The following PYGB variants were observed in gnomAD, a reference collection of about 807,000 sequenced individuals.
The protein encoded by PYGB is glycogen phosphorylase, brain form.
In PYGB, 82 loss-of-function variants were observed where a neutral mutation model predicts 94.3. The ratio of observed to expected loss-of-function variants is 0.87; its 90% CI spans 0.73 to 1.04. The LOEUF is 1.04. Ranked by LOEUF, PYGB falls within the 50% of genes least tolerant of loss-of-function variation. PYGB has a pLI of 0.00. For missense variants in PYGB, 1,132 were observed against 1,158.2 expected (o/e 0.98, Z 0.33); for synonymous variants, 488 against 479.1 (o/e 1.02, Z -0.24).
At chr20:25,295,035 G>A in intron 18 of PYGB, 1 of 1,614,200 alleles carries the variant, frequency 6.2e-7, no homozygotes, top group Non-Finnish European at 8.5e-7. Flanking sequence ...TGAGGTCTGT[G>A]ATAAAGGAAG....
rs1265294184 is a variant in PYGB at position 25,279,034 on chromosome 20, G to A, written c.1000-23G>A. 4 of 1,598,844 alleles carry A rather than the reference G, an allele frequency of 2.5e-6. No homozygotes were observed. In the Admixed American group the frequency reaches 6.7e-5, roughly 27 times the overall value. On this transcript the variant is annotated intron_variant, in intron 8 of 19. Transcript: ENST00000216962. ...CCCACGTGGGATGAAATGACTGAATGGCACCCCTTGTGCGACCTTCAGGTG... is the reference window on the plus strand; with the variant it reads ...CCCACGTGGGATGAAATGACTGAATAGCACCCCTTGTGCGACCTTCAGGTG...
At chr20:25,267,136 A>G (rs570768137) in intron 2 of PYGB, among the ~76,000 whole-genome samples, 1 of 152,220 alleles carries the variant, frequency 6.6e-6, no homozygotes, top group Non-Finnish European at 1.5e-5. Context: ...TAGCCATACA[A>G]TGGAATAGTA....
chr20:25,296,612 G>C lies in PYGB; in HGVS notation c.*90G>C. On this transcript the variant is annotated 3_prime_UTR_variant, in exon 20 of 20. Coordinates refer to ENST00000216962, the MANE Select transcript of PYGB (RefSeq NM_002862.4). ...TCCCCAAACACTTTGCCAGCCACTG[G>C]TGGTCCCTGCTTTTCTGAGTACCAT... is the stretch of plus-strand genomic sequence containing the variant. 6.8e-7 allele frequency: 1 copy of C among 1,474,046 alleles called. No individual in the cohort carries two copies. Among genetic ancestry groups the C allele is most frequent in the Non-Finnish European group, 9.1e-7 (1 of 1,097,030 alleles). 91.3% of individuals were successfully genotyped at this position (1,474,046 alleles called of 1,614,324 possible).
At chr20:25,253,632 T>TAAAAC (rs2092894645) in intron 1 of PYGB, among the ~76,000 whole-genome samples, 1 of 98,430 alleles carries the variant, frequency 1.0e-5, no homozygotes, top group Non-Finnish European at 2.5e-5. Flanking sequence ...CTAAATAAAA[T>TAAAAC]AAAATAAAAT....
At position 25,296,777 on chromosome 20, in the gene PYGB, A is replaced by G; in HGVS notation, c.*255A>G. 2.0e-6 allele frequency: 1 copy of G among 488,140 alleles called. No individual in the cohort carries two copies. The highest frequency in any genetic ancestry group is 3.6e-6 in the Non-Finnish European group (1 of 276,430). 30.2% of individuals were successfully genotyped at this position (488,140 alleles called of 1,614,324 possible). The stretch of plus-strand genomic sequence containing the variant: ...GGGTCGTGGCCAGCCCTGCAGCTTC[A>G]GCACCTGCCCCACCCAGAGTGGGAG... On this transcript the variant is annotated 3_prime_UTR_variant, in exon 20 of 20. Transcript: ENST00000216962.
In PYGB at chr20:25,279,050, C is replaced by T; in HGVS notation, c.1000-7C>T. The T allele has an allele frequency of 6.2e-7, 1 of 1,610,326 alleles. No individual in the cohort carries two copies. On this transcript the variant is annotated splice_region_variant and splice_polypyrimidine_tract_variant and intron_variant, in intron 8 of 19. Transcript: ENST00000216962. ...TGACTGAATGGCACCCCTTGTGCGA[C>T]CTTCAGGTGGCCATCCAGCTGAACG... is the stretch of plus-strand genomic sequence containing the variant.
intron 17 of PYGB, among the ~76,000 whole-genome samples, chr20:25,293,201 C>T (rs1018111866): frequency 1.3e-5 from 2 of 151,944 alleles, no homozygotes; most frequent in African/African-American, 4.8e-5. Flanking sequence ...CTGAAGACAG[C>T]ACCCAGAGCT....
At chr20:25,292,266 G>A (rs559599649) in intron 16 of PYGB, 140 bp from the exon 17 acceptor site, 4 of 982,626 alleles carry the variant, frequency 4.1e-6, no homozygotes, top group African/African-American at 3.3e-5. Flanking sequence ...GAGCGGGAGT[G>A]GGGGCTGGAG....
chr20:25,291,861 C>T (rs2088470367), intron 16 of PYGB, among the ~76,000 whole-genome samples: 1 of 152,160 alleles, frequency 6.6e-6, no homozygotes, highest in Non-Finnish European at 1.5e-5. Flanking sequence ...TCAGTGTGTG[C>T]ACTCACAGCG....
chr20:25,255,097 G>A (rs948235295), intron 1 of PYGB, among the ~76,000 whole-genome samples: 24 of 152,230 alleles, frequency 1.6e-4, no homozygotes, highest in African/African-American at 5.8e-4. Context: ...AGTACCGTGT[G>A]ACATCACAGG....
In PYGB at chr20:25,295,298, T is replaced by C. The variant is rs79165116; in HGVS notation, c.2313-306T>C. Among the ~76,000 whole-genome samples, 661 of 152,382 alleles carry C rather than the reference T, an allele frequency of 4.3e-3. 3 individuals carry two copies. The highest frequency in any genetic ancestry group is 8.1e-3 in the Non-Finnish European group (552 of 68,032). ...CTGTCTGCCCAGGAGGCCTCTCCCA[T>C]GTGCAGCTCTAACTGCCCTGCGTGT... On this transcript the variant is annotated intron_variant, in intron 18 of 19. Transcript: ENST00000216962.
intron 14 of PYGB, among the ~76,000 whole-genome samples, chr20:25,284,698 T>C (rs944136332): frequency 1.7e-4 from 26 of 152,214 alleles, no homozygotes; most frequent in African/African-American, 6.3e-4. Flanking sequence ...AAGGCTGGGG[T>C]TATAGGCATG....
chr20:25,291,008 C>T (rs907373693), intron 16 of PYGB, among the ~76,000 whole-genome samples: 3 of 151,998 alleles, frequency 2.0e-5, no homozygotes, highest in Non-Finnish European at 1.5e-5. Context: ...CCTCCCCTGC[C>T]CTCTCCTCCT....
At chr20:25,268,163 C>CCCCCG (rs2088234955) in intron 2 of PYGB, among the ~76,000 whole-genome samples, 1 of 74,352 alleles carries the variant, frequency 1.3e-5, no homozygotes, top group African/African-American at 7.9e-5. Flanking sequence ...TAGCACCCGC[C>CCCCCG]CCCCCCCCAT....
chr20:25,292,203 C>A (rs148925819), intron 16 of PYGB, among the ~76,000 whole-genome samples: 1 of 152,180 alleles, frequency 6.6e-6, no homozygotes, highest in African/African-American at 2.4e-5. Context: ...GCCCCAGTCA[C>A]GAAGGGGAGC....
In PYGB at chr20:25,284,178, T is replaced by C. The variant is rs2227892; in HGVS notation, c.1695T>C (p.Asp565=). 730,526 of 1,613,446 alleles carry C rather than the reference T, an allele frequency of 0.45. 171,978 individuals carry two copies. The highest frequency in any genetic ancestry group is 0.92 in the East Asian group (41,111 of 44,836). ...AGATCAACCCCTCCTCCATGTTCGA[T>C]GTGCATGTGAAGAGGATCCACGAGT... ...KVKINPSSMF[D]VHVKRIHEYK... Residue 565 remains aspartate, a synonymous_variant, in exon 14 of 20, where the codon GAT becomes GAC. Coordinates refer to ENST00000216962, the MANE Select transcript of PYGB (RefSeq NM_002862.4).
intron 2 of PYGB, among the ~76,000 whole-genome samples, chr20:25,261,151 G>C (rs535254152): frequency 1.3e-5 from 2 of 152,326 alleles, no homozygotes; most frequent in African/African-American, 2.4e-5. Context: ...TACAGAGTTT[G>C]AGATCTGAGA....
At chr20:25,295,695 A>G (rs1255203196) in intron 19 of PYGB, 25 bp downstream of exon 19, 4 of 1,597,822 alleles carry the variant, frequency 2.5e-6, no homozygotes, top group Non-Finnish European at 3.4e-6. Context: ...TCCAGAGGCT[A>G]GGGGAGCAGC....
rs571114567 is a variant in PYGB at position 25,278,311 on chromosome 20, G to C, written c.856-8G>C. 2.9e-6 allele frequency: 4 copies of C among 1,356,086 alleles called. No homozygotes were observed. In the South Asian group the frequency reaches 3.9e-5, roughly 13 times the overall value. The allele number at this position is 1,356,086 out of a possible 1,614,324, so 84.0% of individuals were successfully genotyped here. ...CCTGCACCCTCCAGCTTGCTCTGCT[G>C]TGTGCAGTTCTTTGAGGGGAAGGAG... On this transcript the variant is annotated splice_region_variant and splice_polypyrimidine_tract_variant and intron_variant, in intron 7 of 19. Coordinates refer to ENST00000216962, the MANE Select transcript of PYGB (RefSeq NM_002862.4).
Sources: allele counts gnomAD v4.1 joint callset (sites outside exome capture counted in the v4.1 genomes callset), GRCh38; gene constraint gnomAD v4.1.1; transcripts MANE v1.5; gene names NCBI Gene and HGNC (gene_info 2026-07-23, HGNC 2026-07-21).